The following PTGER3 variants were observed in gnomAD, a reference collection of about 807,000 sequenced individuals.
The protein encoded by PTGER3 is prostaglandin E receptor 3.
A neutral mutation model predicts 34.7 loss-of-function variants in PTGER3; 22 were observed. The ratio of observed to expected loss-of-function variants is 0.63; its 90% CI spans 0.45 to 0.91. The LOEUF (loss-of-function observed/expected upper bound fraction) is 0.91, where lower values mean the gene tolerates loss of function less well. Among genes scored for constraint, PTGER3 ranks in the 40% least tolerant of loss-of-function variants. The probability of loss-of-function intolerance (pLI) is 0.00; values close to 1 mark genes in which losing one functional copy is unlikely to be tolerated. For missense variants in PTGER3, 468 were observed against 519.4 expected, an observed-to-expected ratio of 0.90 and a Z score of 0.96; for synonymous variants, 241 against 230.1, an observed-to-expected ratio of 1.05 and a Z score of -0.43.
chr1:70,926,604 T>C (rs899702608), intron 4 of PTGER3, among the ~76,000 whole-genome samples: 1 of 152,174 alleles, frequency 6.6e-6, no homozygotes, highest in Non-Finnish European at 1.5e-5. Context: ...GTTTTCTAGA[T>C]ATACAATGAT....
chr1:70,968,999 G>T (rs930566303), downstream of PTGER3, among the ~76,000 whole-genome samples: 9 of 152,046 alleles, frequency 5.9e-5, no homozygotes, highest in African/African-American at 1.7e-4. Context: ...TTAAGGTTAG[G>T]AGTTCAAGAC....
At chr1:71,015,706 A>G (rs770552252) in intron 1 of PTGER3, among the ~76,000 whole-genome samples, 2 of 152,198 alleles carry the variant, frequency 1.3e-5, no homozygotes, top group Non-Finnish European at 2.9e-5. Context: ...TTTTATTTCA[A>G]AAATACAATT....
chr1:70,927,191 C>G (rs1648182943), intron 4 of PTGER3, among the ~76,000 whole-genome samples: 1 of 152,116 alleles, frequency 6.6e-6, no homozygotes, highest in South Asian at 2.1e-4. Flanking sequence ...TGATGCTGGC[C>G]TCATAAAATG....
chr1:70,954,001 C>T (rs1049777987), intron 2 of PTGER3, among the ~76,000 whole-genome samples: 7 of 152,114 alleles, frequency 4.6e-5, no homozygotes, highest in South Asian at 2.1e-4. Flanking sequence ...TTCATCCCCT[C>T]GGTTCTGCCT....
chr1:70,993,943 C>T (rs888872259), intron 2 of PTGER3, among the ~76,000 whole-genome samples: 1 of 152,154 alleles, frequency 6.6e-6, no homozygotes, highest in Non-Finnish European at 1.5e-5. Flanking sequence ...TTCAAAGGCT[C>T]TTCGTTCTTG....
chr1:71,036,299 G>C (rs1018991225), intron 1 of PTGER3, among the ~76,000 whole-genome samples: 1 of 152,134 alleles, frequency 6.6e-6, no homozygotes, highest in African/African-American at 2.4e-5. Context: ...ACTTGGAGCA[G>C]AGTGGATTTG....
At chr1:70,856,094 C>T (rs1645796585) in intron 4 of PTGER3, among the ~76,000 whole-genome samples, 1 of 152,022 alleles carries the variant, frequency 6.6e-6, no homozygotes, top group Non-Finnish European at 1.5e-5. Flanking sequence ...CTAGTTTTTT[C>T]ACTTCTCTGA....
chr1:70,952,712 C>A, exon 4 of PTGER3: 10 of 1,239,114 alleles, frequency 8.1e-6, no homozygotes, highest in Non-Finnish European at 9.1e-6. Flanking sequence ...GTTCGAGTGA[C>A]CAACCAGTTT....
chr1:71,023,813 C>T (rs2901523), intron 1 of PTGER3, among the ~76,000 whole-genome samples: 56,691 of 150,988 alleles, frequency 0.38, 11,653 homozygotes, highest in South Asian at 0.47. Flanking sequence ...GAGTCTCCAA[C>T]TAACCTCTTA....
intron 4 of PTGER3, among the ~76,000 whole-genome samples, chr1:70,876,348 A>G (rs1455587242): frequency 6.8e-6 from 1 of 146,656 alleles, no homozygotes; most frequent in Non-Finnish European, 1.5e-5. Context: ...GACCTTTGTT[A>G]GATGTGTAGT....
chr1:70,867,123 C>T (rs1464364359), intron 4 of PTGER3, among the ~76,000 whole-genome samples: 1 of 152,220 alleles, frequency 6.6e-6, no homozygotes, highest in Non-Finnish European at 1.5e-5. Flanking sequence ...CAGATGCCCC[C>T]ACACTAGTGC....
chr1:70,884,071 A>G (rs995107969), intron 4 of PTGER3: 2 of 403,358 alleles, frequency 5.0e-6, no homozygotes, highest in Non-Finnish European at 9.8e-6. Context: ...TGGGTGAGAG[A>G]GCAAGACTCC....
chr1:71,025,912 A>G (rs1658887166), intron 1 of PTGER3, among the ~76,000 whole-genome samples: 1 of 152,198 alleles, frequency 6.6e-6, no homozygotes, highest in Non-Finnish European at 1.5e-5. Context: ...GACTGTTCTT[A>G]ATGTTAAAGC....
At chr1:71,005,100 T>C (rs1656828674) in intron 2 of PTGER3, among the ~76,000 whole-genome samples, 1 of 152,212 alleles carries the variant, frequency 6.6e-6, no homozygotes, top group Non-Finnish European at 1.5e-5. Flanking sequence ...GAGGTATTGC[T>C]GGCATCTCAT....
intron 2 of PTGER3, among the ~76,000 whole-genome samples, chr1:70,958,891 A>G (rs1651632863): frequency 6.6e-6 from 1 of 152,134 alleles, no homozygotes; most frequent in Admixed American, 6.5e-5. Context: ...ATGCTTCTGC[A>G]TGTGGCTATC....
At chr1:70,983,194 C>T (rs1654558037) in intron 2 of PTGER3, among the ~76,000 whole-genome samples, 1 of 151,352 alleles carries the variant, frequency 6.6e-6, no homozygotes, top group South Asian at 2.1e-4. Flanking sequence ...ACAGCCAGAA[C>T]CTAATGACTC....
At chr1:71,043,577 T>C (rs1021704650) in intron 1 of PTGER3, among the ~76,000 whole-genome samples, 19 of 152,192 alleles carry the variant, frequency 1.2e-4, no homozygotes, top group Admixed American at 1.1e-3. Flanking sequence ...ACAATTAGAA[T>C]AGTATCCTAC....
intron 2 of PTGER3, chr1:71,011,575 A>C (rs769591998): frequency 2.5e-5 from 25 of 984,902 alleles, no homozygotes; most frequent in Non-Finnish European, 3.0e-5. Flanking sequence ...CACAAACTCC[A>C]TATTTCAAAC....
chr1:71,009,550 A>G, intron 2 of PTGER3: 3 of 985,010 alleles, frequency 3.0e-6, no homozygotes, highest in Non-Finnish European at 3.6e-6. Flanking sequence ...ACATGTGATC[A>G]TTCTTCTCTG....
Sources: allele counts gnomAD v4.1 joint callset (sites outside exome capture counted in the v4.1 genomes callset), GRCh38; gene constraint gnomAD v4.1.1; transcripts MANE v1.5; gene names NCBI Gene and HGNC (gene_info 2026-07-23, HGNC 2026-07-21).